CHFR: variants seen among roughly 807,000 people sequenced by gnomAD.
The protein encoded by CHFR is checkpoint with forkhead and ring finger domains.
CHFR carries 57 observed loss-of-function variants against 87.6 expected under a neutral mutation model. The observed-to-expected ratio is 0.65, with a 90% confidence interval of 0.53 to 0.81. CHFR has a LOEUF of 0.81. CHFR is among the 30% of genes least tolerant of loss of function. CHFR has a pLI of 0.00. For synonymous variants in CHFR, 381 were observed against 359.2 expected (o/e 1.06, Z -0.69); for missense variants, 797 against 865.8 (o/e 0.92, Z 1.00).
chr12:132,872,505 CA>C (rs1951514296), intron 3 of CHFR, 111 bp from the exon 4 acceptor site: 6 of 689,708 alleles, frequency 8.7e-6, no homozygotes, highest in Non-Finnish European at 1.6e-5. Context: ...TGGAAATACT[CA>C]TAGGAACAGT....
chr12:132,871,967 G>T (rs2291253), intron 4 of CHFR: 2 of 292,264 alleles, frequency 6.8e-6, no homozygotes, highest in African/African-American at 4.3e-5. Flanking sequence ...CCTGGTCCTA[G>T]GTTTTATTCC....
rs941122476 is a variant in CHFR at position 132,887,205 on chromosome 12, G to A, written c.124C>T (p.Arg42Trp). Reference sequence around the variant, plus strand: ...GGCCTCAGCCCCGCACCTCGTCTCCGCCCGATGGTCCACTCCCGCTTCCTC... The same window carrying A: ...GGCCTCAGCCCCGCACCTCGTCTCCACCCGATGGTCCACTCCCGCTTCCTC... ...LLRKREWTIG[R>W]RRGCDLSFPS... The change falls in exon 2 of 18, where the codon CGG becomes TGG. Residue 42 changes from arginine (R) to tryptophan (W), a missense_variant. By Grantham distance (101) the Arg-to-Trp change is moderately radical. Around this residue, in one of 2 missense-constraint regions of CHFR, gnomAD observed 597 missense variants for 601.2 expected, o/e 0.99. Transcript: ENST00000450056. 9 of 1,496,954 alleles carry A rather than the reference G, an allele frequency of 6.0e-6. No homozygotes were observed. The highest frequency in any genetic ancestry group is 7.1e-6 in the Non-Finnish European group (8 of 1,130,116). 92.7% of individuals were successfully genotyped at this position (1,496,954 alleles called of 1,614,324 possible).
intron 6 of CHFR, among the ~76,000 whole-genome samples, chr12:132,868,545 T>C (rs1951406238): frequency 1.3e-5 from 2 of 150,930 alleles, no homozygotes; most frequent in South Asian, 2.1e-4. Flanking sequence ...CTGGGCGTGG[T>C]TGCAGGCACC....
At position 132,843,000 on chromosome 12, in the gene CHFR, G is replaced by C; in HGVS notation, c.1916+11C>G. The C allele has an allele frequency of 6.2e-7, 1 of 1,607,788 alleles. No homozygotes were observed. Among genetic ancestry groups the C allele is most frequent in the Non-Finnish European group, 8.5e-7 (1 of 1,176,954 alleles). On this transcript the variant is annotated intron_variant, in intron 17 of 17. Transcript: ENST00000450056. Reference sequence around the variant, plus strand: ...TCTGTAGCTGACGCCTGTGCCCCCAGCTGCACTCACATGGCGTGGTGAGCT... The same window carrying C: ...TCTGTAGCTGACGCCTGTGCCCCCACCTGCACTCACATGGCGTGGTGAGCT...
chr12:132,882,048 GT>G (rs1466069452), intron 2 of CHFR, among the ~76,000 whole-genome samples: 2 of 152,152 alleles, frequency 1.3e-5, no homozygotes, highest in African/African-American at 4.8e-5. Flanking sequence ...TCCATTCATA[GT>G]TACTTAGCTA....
At position 132,839,728 on chromosome 12, in the gene CHFR, G is replaced by A. The variant is rs958676046; in HGVS notation, c.*1826C>T. The A allele has an allele frequency of 8.5e-5, 11 of 128,746 alleles. No individual in the cohort carries two copies. The highest frequency in any genetic ancestry group is 3.2e-4 in the South Asian group (2 of 6,316). The allele number at this position is 128,746 out of a possible 1,614,324, so 8.0% of individuals were successfully genotyped here. Reference sequence around the variant, plus strand: ...TTCTTGGCCTCACCCCTGCACAAACGTGCAAACTCCCCTTTTGGCTTCATC... The same window carrying A: ...TTCTTGGCCTCACCCCTGCACAAACATGCAAACTCCCCTTTTGGCTTCATC... On this transcript the variant is annotated 3_prime_UTR_variant, in exon 18 of 18. Coordinates refer to ENST00000450056, the MANE Select transcript of CHFR (RefSeq NM_001161346.2).
intron 2 of CHFR, among the ~76,000 whole-genome samples, chr12:132,877,942 G>A (rs12826511): frequency 6.6e-6 from 1 of 152,116 alleles, no homozygotes; most frequent in Admixed American, 6.6e-5. Context: ...AGCTGGGACT[G>A]CAGGCGCCCG....
chr12:132,870,650 A>C, intron 5 of CHFR, 74 bp downstream of exon 5: 6 of 1,042,242 alleles, frequency 5.8e-6, no homozygotes, highest in African/African-American at 1.6e-5. Context: ...ACAGAGCGAG[A>C]CTCCATCTCA....
At chr12:132,848,583 G>A (rs1950875272) in intron 13 of CHFR, 58 bp downstream of exon 13, 1 of 1,359,734 alleles carries the variant, frequency 7.4e-7, no homozygotes, top group African/African-American at 1.4e-5. Flanking sequence ...CTGCCCTCAA[G>A]TTCACCAAGA....
chr12:132,837,828 A>C lies in CHFR; in HGVS notation c.*3726T>G, dbSNP rs573530194. 1 of 152,422 alleles carries C rather than the reference A, an allele frequency of 6.6e-6. No homozygotes were observed. The highest frequency in any genetic ancestry group is 6.5e-5 in the Admixed American group (1 of 15,310). The allele number at this position is 152,422 out of a possible 1,614,324, so 9.4% of individuals were successfully genotyped here. A position where few individuals can be genotyped will look rare whatever the true frequency, so the allele number is the denominator to read the frequency against. On this transcript the variant is annotated 3_prime_UTR_variant, in exon 18 of 18. Coordinates refer to ENST00000450056, the MANE Select transcript of CHFR (RefSeq NM_001161346.2). ...GGCGCAGGAGCTAGCGTGCATGCCA[A>C]AACGGAGCCCACGTGGAGGCAGAGG...
At position 132,847,743 on chromosome 12, in the gene CHFR, G is replaced by C. The variant is rs971943548; in HGVS notation, c.1647+342C>G. 4.2e-6 allele frequency: 5 copies of C among 1,188,548 alleles called. No individual in the cohort carries two copies. The African/African-American group carries it at 7.8e-5, about 19-fold the overall frequency. 73.6% of individuals were successfully genotyped at this position (1,188,548 alleles called of 1,614,324 possible). On this transcript the variant is annotated intron_variant, in intron 14 of 17. Coordinates refer to ENST00000450056, the MANE Select transcript of CHFR (RefSeq NM_001161346.2). ...CAGAAGAGACAGGGACCAGAGAAAA[G>C]GCCCTGGTCTTGCTAAAGGGCGGCA...
At chr12:132,871,307 C>G (rs185430843) in intron 4 of CHFR, among the ~76,000 whole-genome samples, 3 of 152,038 alleles carry the variant, frequency 2.0e-5, no homozygotes, top group Admixed American at 2.0e-4. Flanking sequence ...CAAAAATTAG[C>G]CGGGTGTGGT....
chr12:132,887,435 G>A, intron 1 of CHFR, 95 bp from the exon 2 acceptor site: 2 of 991,880 alleles, frequency 2.0e-6, no homozygotes, highest in Non-Finnish European at 2.5e-6. Flanking sequence ...CCGGCCGCCC[G>A]CGCCCACGCA....
chr12:132,843,127 G>A (rs558456083), intron 16 of CHFR, 44 bp from the exon 17 acceptor site: 10 of 1,551,330 alleles, frequency 6.4e-6, no homozygotes, highest in Middle Eastern at 3.4e-4. Context: ...TGTATTGCAC[G>A]CACCCACTCA....
intron 2 of CHFR, among the ~76,000 whole-genome samples, chr12:132,878,627 G>A (rs1951688691): frequency 6.6e-6 from 1 of 151,718 alleles, no homozygotes; most frequent in African/African-American, 2.4e-5. Flanking sequence ...AGACCATCCT[G>A]GCTAACACAG....
intron 2 of CHFR, among the ~76,000 whole-genome samples, chr12:132,886,305 T>G (rs999048791): frequency 1.3e-5 from 2 of 150,122 alleles, no homozygotes; most frequent in African/African-American, 4.9e-5. Flanking sequence ...GCAAGACTCT[T>G]ATCTCAAAAA....
chr12:132,869,847 A>T, intron 5 of CHFR, 49 bp from the exon 6 acceptor site: 1 of 1,545,532 alleles, frequency 6.5e-7, no homozygotes, highest in South Asian at 1.2e-5. Flanking sequence ...GTAACCCAAA[A>T]GGAGCAGAAG....
rs749186808 is a variant in CHFR, at chr12:132,841,479, C to T, written c.*75G>A. 65 of 1,321,634 alleles carry T rather than the reference C, an allele frequency of 4.9e-5. No homozygotes were observed. In the Middle Eastern group the frequency reaches 1.4e-3, roughly 29 times the overall value. The allele number at this position is 1,321,634 out of a possible 1,614,324, so 81.9% of individuals were successfully genotyped here. On this transcript the variant is annotated 3_prime_UTR_variant, in exon 18 of 18. Transcript: ENST00000450056. The stretch of plus-strand genomic sequence containing the variant: ...TCAGGGGGCTGTGAAAACACCTTGA[C>T]GTGCTTGTCTCTGTATTTTAAAAAC...
At chr12:132,853,900 C>A (rs1951005681) in intron 10 of CHFR, 1 of 325,268 alleles carries the variant, frequency 3.1e-6, no homozygotes, top group South Asian at 4.3e-5. Flanking sequence ...TGCGCGCACG[C>A]CCCGTGCTCC....
Sources: gnomAD v4.1 joint callset for allele counts (sites outside exome capture counted in the v4.1 genomes callset) on GRCh38, gnomAD v4.1.1 for gene constraint, gnomAD v4.1.1 regional missense constraint, MANE v1.5 for transcripts, NCBI Gene and HGNC (gene_info 2026-07-23, HGNC 2026-07-21) for gene names.